Variants in FUT8 observed in about 807,000 individuals in gnomAD.
FUT8 encodes alpha-(1,6)-fucosyltransferase.
Under a neutral mutation model 71.3 loss-of-function variants are expected in FUT8, and 29 were observed. The ratio of observed to expected loss-of-function variants is 0.41; its 90% CI spans 0.30 to 0.55. FUT8 has a LOEUF of 0.55. Ranked by LOEUF, FUT8 falls within the 20% of genes least tolerant of loss-of-function variation. The pLI, the probability that FUT8 is intolerant of heterozygous loss-of-function variation, is 0.34. For missense variants in FUT8, 544 were observed against 702.1 expected, an observed-to-expected ratio of 0.77 and a Z score of 2.55; for synonymous variants, 254 against 239.3, an observed-to-expected ratio of 1.06 and a Z score of -0.57.
intron 6 of FUT8, chr14:65,636,683 T>A (rs1034765357): frequency 1.3e-5 from 2 of 152,202 alleles, no homozygotes; most frequent in African/African-American, 4.8e-5. Context: ...TGATTTCTAG[T>A]TTACAGTCAT....
intron 2 of FUT8, among the ~76,000 whole-genome samples, chr14:65,512,914 AAAAAAAAAAAAG>A (rs1173975739): frequency 1.5e-4 from 22 of 151,406 alleles, no homozygotes; most frequent in African/African-American, 3.6e-4. Flanking sequence ...TCTCAAAAAA[AAAAAAAAAAAAG>A]AAAAAGAAAT....
chr14:65,465,426 C>T (rs1369510862), intron 2 of FUT8, among the ~76,000 whole-genome samples: 1 of 152,184 alleles, frequency 6.6e-6, no homozygotes, highest in Non-Finnish European at 1.5e-5. Flanking sequence ...CCTGCCTTAG[C>T]CTCCCAAAGT....
chr14:65,427,860 A>G (rs2065413518), intron 1 of FUT8, among the ~76,000 whole-genome samples: 1 of 152,228 alleles, frequency 6.6e-6, no homozygotes, highest in Non-Finnish European at 1.5e-5. Context: ...GCTCCAGGCA[A>G]CCACTGATCT....
At chr14:65,741,443 C>T (rs1896494517) in intron 10 of FUT8, among the ~76,000 whole-genome samples, 1 of 151,992 alleles carries the variant, frequency 6.6e-6, no homozygotes, top group African/African-American at 2.4e-5. Context: ...GGAGGGATAG[C>T]ATTTGGAGAT....
chr14:65,391,017 C>A, the FUT8 span, among the ~76,000 whole-genome samples: 25 of 151,816 alleles, frequency 1.6e-4, no homozygotes, highest in East Asian at 4.1e-3. Context: ...TGAGCCACTG[C>A]GCCCGGCCTA....
At chr14:65,536,381 T>C (rs570851836) in intron 2 of FUT8, among the ~76,000 whole-genome samples, 3 of 152,216 alleles carry the variant, frequency 2.0e-5, no homozygotes, top group Admixed American at 6.5e-5. Context: ...GTTTTTGTAG[T>C]GGTTGCTAAT....
chr14:65,612,696 A>G (rs1889062476), intron 3 of FUT8, among the ~76,000 whole-genome samples: 1 of 151,776 alleles, frequency 6.6e-6, no homozygotes, highest in Non-Finnish European at 1.5e-5. Context: ...TGGTCTGGAA[A>G]CTCTCTGAAT....
chr14:65,375,883 G>C, the FUT8 span, among the ~76,000 whole-genome samples: 2 of 100,274 alleles, frequency 2.0e-5, no homozygotes, highest in Non-Finnish European at 4.5e-5. Context: ...TTGAGGCCAG[G>C]AGTTCAAGAC....
At chr14:65,639,794 C>T (rs560715827) in intron 6 of FUT8, among the ~76,000 whole-genome samples, 1 of 152,244 alleles carries the variant, frequency 6.6e-6, no homozygotes, top group African/African-American at 2.4e-5. Flanking sequence ...CTTACCATCT[C>T]TAGGTTCATT....
intron 2 of FUT8, among the ~76,000 whole-genome samples, chr14:65,465,712 T>C (rs906996399): frequency 6.6e-6 from 1 of 152,218 alleles, no homozygotes; most frequent in Non-Finnish European, 1.5e-5. Flanking sequence ...CTTTGTGAAA[T>C]GTTCCCTGTG....
chr14:65,482,634 A>G (rs1258934207), intron 2 of FUT8, among the ~76,000 whole-genome samples: 1 of 152,158 alleles, frequency 6.6e-6, no homozygotes, highest in African/African-American at 2.4e-5. Flanking sequence ...TTTATAAGTC[A>G]TGAAATCGGG....
rs772797354 is a variant in FUT8 at position 65,467,917 on chromosome 14, G to A, written c.-228+12199G>A. ...GCAGGCTGGTGCTTCAGTAGAACCCGGGTACCTTTCTCTTTGGCTTCTTTC... is the reference window on the plus strand; with the variant it reads ...GCAGGCTGGTGCTTCAGTAGAACCCAGGTACCTTTCTCTTTGGCTTCTTTC... On this transcript the variant is annotated intron_variant, in intron 2 of 10. Coordinates refer to ENST00000673929, the MANE Select transcript of FUT8 (RefSeq NM_001371533.1). The surrounding 1 kb of genome is among the most constrained non-coding windows in gnomAD (Gnocchi z 4.1). 21 of 749,760 alleles carry A rather than the reference G, an allele frequency of 2.8e-5. No individual in the cohort carries two copies. The highest frequency in any genetic ancestry group is 5.0e-5 in the Non-Finnish European group (20 of 400,928). 46.4% of individuals were successfully genotyped at this position (749,760 alleles called of 1,614,324 possible). A position where few individuals can be genotyped will look rare whatever the true frequency, so the allele number is the denominator to read the frequency against.
At chr14:65,618,022 T>C in intron 5 of FUT8, among the ~76,000 whole-genome samples, 1 of 64,644 alleles carries the variant, frequency 1.5e-5, no homozygotes, top group Non-Finnish European at 2.8e-5. Context: ...TATATATATA[T>C]ATATATATAT....
chr14:65,720,367 G>A (rs1287639229), intron 7 of FUT8, among the ~76,000 whole-genome samples: 1 of 152,154 alleles, frequency 6.6e-6, no homozygotes, highest in African/African-American at 2.4e-5. Flanking sequence ...AGGGCACTGG[G>A]CTCCCTTCTG....
At chr14:65,728,590 A>C (rs1203736487) in intron 9 of FUT8, among the ~76,000 whole-genome samples, 1 of 152,254 alleles carries the variant, frequency 6.6e-6, no homozygotes, top group African/African-American at 2.4e-5. Flanking sequence ...ACAGTCATGT[A>C]CCACATAACA....
chr14:65,362,062 A>G, the FUT8 span, among the ~76,000 whole-genome samples: 1 of 152,172 alleles, frequency 6.6e-6, no homozygotes, highest in African/African-American at 2.4e-5. Context: ...GCCAGTTGTG[A>G]TGACTCTGAA....
chr14:65,636,323 T>TG (rs140075478), intron 6 of FUT8, among the ~76,000 whole-genome samples: 2 of 66,456 alleles, frequency 3.0e-5, no homozygotes, highest in East Asian at 6.5e-4. Context: ...GTATTTTTTT[T>TG]TTGTTTGTTT....
chr14:65,691,017 C>T (rs771210579), intron 7 of FUT8, among the ~76,000 whole-genome samples: 3 of 147,300 alleles, frequency 2.0e-5, no homozygotes, highest in Non-Finnish European at 2.9e-5. Flanking sequence ...TGAGCCACCA[C>T]GCCCAGCCAC....
chr14:65,693,178 C>G (rs1259876945), intron 7 of FUT8, among the ~76,000 whole-genome samples: 1 of 152,286 alleles, frequency 6.6e-6, no homozygotes, highest in East Asian at 1.9e-4. Flanking sequence ...GAGGTTGTAG[C>G]GAGCCGAGAT....
Sources: gnomAD v4.1 joint callset for allele counts (sites outside exome capture counted in the v4.1 genomes callset) on GRCh38, gnomAD v4.1.1 for gene constraint, Gnocchi (gnomAD v3.1) non-coding constraint, MANE v1.5 for transcripts, NCBI Gene and HGNC (gene_info 2026-07-23, HGNC 2026-07-21) for gene names.